The following RARB variants were observed in gnomAD, a reference collection of about 807,000 sequenced individuals.
The protein encoded by RARB is retinoic acid receptor beta, also known as HBV-activated protein.
Under a neutral mutation model 51.9 loss-of-function variants are expected in RARB, and 17 were observed. The observed-to-expected ratio is 0.33, with a 90% CI of 0.22 to 0.49. The LOEUF (loss-of-function observed/expected upper bound fraction) is 0.49. Ranked by LOEUF, RARB falls within the 20% of genes least tolerant of loss-of-function variation. RARB has a pLI of 0.99. For missense variants in RARB, 369 were observed against 550.8 expected, an observed-to-expected ratio of 0.67 and a Z score of 3.30; for synonymous variants, 215 against 195.4, an observed-to-expected ratio of 1.10 and a Z score of -0.84.
chr3:25,355,623 T>C (rs1168657003), intron 5 of RARB, among the ~76,000 whole-genome samples: 1 of 152,130 alleles, frequency 6.6e-6, no homozygotes, highest in Non-Finnish European at 1.5e-5. Flanking sequence ...CACTTGCAAA[T>C]CAGTTTTGAG....
chr3:24,990,312 G>T (rs1249777965), intron 2 of RARB, among the ~76,000 whole-genome samples: 1 of 58,252 alleles, frequency 1.7e-5, no homozygotes, highest in Non-Finnish European at 3.3e-5. Context: ...ATCTCCTAAT[G>T]CTATCCCTCC....
At chr3:24,894,782 T>G (rs565848001) in intron 2 of RARB, among the ~76,000 whole-genome samples, 2 of 152,190 alleles carry the variant, frequency 1.3e-5, no homozygotes, top group Non-Finnish European at 2.9e-5. Flanking sequence ...ATTATGTGTT[T>G]AGGGGTCAGA....
chr3:25,234,230 T>A (rs536701600), intron 5 of RARB, among the ~76,000 whole-genome samples: 36 of 152,302 alleles, frequency 2.4e-4, no homozygotes, highest in African/African-American at 8.2e-4. Context: ...TGTATTCAAT[T>A]TATTTAATAT....
intron 5 of RARB, among the ~76,000 whole-genome samples, chr3:25,247,136 C>T (rs1180599207): frequency 2.0e-5 from 3 of 152,198 alleles, no homozygotes; most frequent in Non-Finnish European, 4.4e-5. Flanking sequence ...GGAAAATCGC[C>T]TACTCATGCC....
At chr3:24,959,113 C>T (rs548309841) in intron 2 of RARB, among the ~76,000 whole-genome samples, 7 of 152,202 alleles carry the variant, frequency 4.6e-5, no homozygotes, top group Non-Finnish European at 8.8e-5. Flanking sequence ...CTCTGGCATC[C>T]ATATGGACAG....
chr3:24,873,940 A>T (rs1702994841), intron 2 of RARB, among the ~76,000 whole-genome samples: 1 of 152,088 alleles, frequency 6.6e-6, no homozygotes. Flanking sequence ...ACAGATCAAA[A>T]ATGTTCAGGG....
intron 5 of RARB, among the ~76,000 whole-genome samples, chr3:25,590,340 C>CT (rs1456325591): frequency 6.6e-6 from 1 of 152,210 alleles, no homozygotes; most frequent in Non-Finnish European, 1.5e-5. Context: ...AAATCCTGGT[C>CT]TTTTGTTCCT....
chr3:25,347,284 T>G (rs887902730), intron 5 of RARB, among the ~76,000 whole-genome samples: 3 of 152,108 alleles, frequency 2.0e-5, no homozygotes, highest in African/African-American at 7.2e-5. Context: ...GAATGCAAAT[T>G]CAGTAACGTA....
chr3:25,027,536 T>TG (rs770004574), intron 2 of RARB, among the ~76,000 whole-genome samples: 30 of 152,142 alleles, frequency 2.0e-4, no homozygotes, highest in Non-Finnish European at 3.4e-4. Context: ...AGCCAGTTTG[T>TG]GGGGGAAACA....
At chr3:25,557,872 C>G (rs1219557604) in intron 3 of RARB, among the ~76,000 whole-genome samples, 1 of 152,208 alleles carries the variant, frequency 6.6e-6, no homozygotes, top group Non-Finnish European at 1.5e-5. Flanking sequence ...CCCTGCAGAG[C>G]TCCAAAGCTG....
At chr3:25,146,874 C>T (rs191342514) in intron 4 of RARB, among the ~76,000 whole-genome samples, 2 of 152,236 alleles carry the variant, frequency 1.3e-5, no homozygotes, top group Non-Finnish European at 2.9e-5. Flanking sequence ...GCTAAGCTGT[C>T]GTACTGCATA....
intron 5 of RARB, among the ~76,000 whole-genome samples, chr3:25,288,342 G>A (rs322680): frequency 0.4 from 61,549 of 152,008 alleles, 13,209 homozygotes; most frequent in African/African-American, 0.53. Flanking sequence ...AGCAGACCAT[G>A]AAGCAGTTAA....
At chr3:25,315,397 G>A (rs574249482) in intron 5 of RARB, among the ~76,000 whole-genome samples, 50 of 152,190 alleles carry the variant, frequency 3.3e-4, no homozygotes, top group African/African-American at 1.1e-3. Context: ...GTAGACATAC[G>A]ACCATGTACA....
chr3:25,560,479 C>T lies in RARB; in HGVS notation c.449-9279C>T, dbSNP rs146208806. Among the ~76,000 whole-genome samples the T allele has an allele frequency of 5.8e-3, 877 of 152,284 alleles. 7 individuals are homozygous for T. Among genetic ancestry groups the T allele is most frequent in the African/African-American group, 0.02 (836 of 41,548 alleles). On this transcript the variant is annotated intron_variant, in intron 3 of 7. Coordinates refer to ENST00000330688, the MANE Select transcript of RARB (RefSeq NM_000965.5). ...GGATGGCTCAGGCAGAAATCCATCACGTATATTAAGCAATCTCAGAAAACG... is the reference window on the plus strand; with the variant it reads ...GGATGGCTCAGGCAGAAATCCATCATGTATATTAAGCAATCTCAGAAAACG...
At chr3:25,238,152 C>G (rs1007654276) in intron 5 of RARB, among the ~76,000 whole-genome samples, 2 of 148,806 alleles carry the variant, frequency 1.3e-5, no homozygotes, top group East Asian at 2.1e-4. Context: ...CCTCCAGCGC[C>G]CCCCCACACA....
chr3:25,202,467 C>T (rs1344316852), intron 5 of RARB, among the ~76,000 whole-genome samples: 1 of 151,958 alleles, frequency 6.6e-6, no homozygotes, highest in Non-Finnish European at 1.5e-5. Context: ...TTATTTCTTG[C>T]CTTCTGCTAG....
At chr3:25,160,037 GA>G (rs1700448847) in intron 4 of RARB, among the ~76,000 whole-genome samples, 1 of 152,148 alleles carries the variant, frequency 6.6e-6, no homozygotes, top group African/African-American at 2.4e-5. Context: ...AAAACACTGA[GA>G]TTTGATATTT....
At chr3:25,280,226 C>T (rs1284243449) in intron 5 of RARB, among the ~76,000 whole-genome samples, 1 of 152,088 alleles carries the variant, frequency 6.6e-6, no homozygotes, top group East Asian at 1.9e-4. Flanking sequence ...CTGGGGGGAA[C>T]TTAGCAAGGC....
intron 2 of RARB, among the ~76,000 whole-genome samples, chr3:24,974,600 A>G (rs749618802): frequency 1.3e-5 from 2 of 152,158 alleles, no homozygotes; most frequent in African/African-American, 2.4e-5. Flanking sequence ...AAATAATGGT[A>G]TTCCCTCCCA....
Sources: gnomAD v4.1 joint callset for allele counts (sites outside exome capture counted in the v4.1 genomes callset) on GRCh38, gnomAD v4.1.1 for gene constraint, MANE v1.5 for transcripts, NCBI Gene and HGNC (gene_info 2026-07-23, HGNC 2026-07-21) for gene names.